LZTS1: variants seen among roughly 807,000 people sequenced by gnomAD.
LZTS1 encodes leucine zipper tumor suppressor 1.
A neutral mutation model predicts 45.8 loss-of-function variants in LZTS1; 31 were observed. The observed-to-expected ratio is 0.68, with a 90% CI of 0.51 to 0.91. The LOEUF (loss-of-function observed/expected upper bound fraction) is 0.91, where lower values mean the gene tolerates loss of function less well. LZTS1 is among the 40% of genes least tolerant of loss of function. The pLI is 0.00. For synonymous variants in LZTS1, 359 were observed against 357.3 expected, an observed-to-expected ratio of 1.00 and a Z score of -0.05; for missense variants, 821 against 788.9, an observed-to-expected ratio of 1.04 and a Z score of -0.49.
intron 1 of LZTS1, among the ~76,000 whole-genome samples, chr8:20,276,269 G>C (rs62499981): frequency 0.27 from 38,673 of 145,042 alleles, 5,831 homozygotes; most frequent in African/African-American, 0.42. Context: ...TTGACTGATG[G>C]TTGGTAGCTT....
At chr8:20,255,936 G>A (rs557771041) in intron 1 of LZTS1, among the ~76,000 whole-genome samples, 3 of 151,338 alleles carry the variant, frequency 2.0e-5, no homozygotes, top group African/African-American at 7.3e-5. Context: ...TTAGCCGGGC[G>A]TAGTGGTGCA....
At chr8:20,297,885 C>A (rs1399494109) in intron 1 of LZTS1, among the ~76,000 whole-genome samples, 1 of 152,112 alleles carries the variant, frequency 6.6e-6, no homozygotes, top group Non-Finnish European at 1.5e-5. Context: ...TTAAAAATCT[C>A]TTTTTCCTGC....
In LZTS1 at chr8:20,253,028, G is replaced by A; in HGVS notation, c.903C>T (p.Arg301=). 1 of 1,601,792 alleles carries A rather than the reference G, an allele frequency of 6.2e-7. No homozygotes were observed. The highest frequency in any genetic ancestry group is 8.5e-7 in the Non-Finnish European group (1 of 1,176,148). The change falls in exon 3 of 4, where the codon CGC becomes CGT. Residue 301 remains arginine, a synonymous_variant. Coordinates refer to ENST00000381569, the MANE Select transcript of LZTS1 (RefSeq NM_021020.5). ...SSLAYEERPR[R]CRDELEGPEP... is the part of the protein sequence containing the mutation. The stretch of plus-strand genomic sequence containing the variant: ...CCGGGCCCTCCAGCTCGTCCCTGCA[G>A]CGCCGCGGCCGCTCCTCGTAGGCCA...
intron 1 of LZTS1, among the ~76,000 whole-genome samples, chr8:20,301,571 A>G (rs1340089015): frequency 2.0e-5 from 3 of 152,212 alleles, no homozygotes; most frequent in Non-Finnish European, 4.4e-5. Context: ...TATTTATGAA[A>G]TGAACGTTGA....
chr8:20,260,778 G>A (rs1054328448), intron 1 of LZTS1, among the ~76,000 whole-genome samples: 4 of 152,180 alleles, frequency 2.6e-5, no homozygotes, highest in African/African-American at 9.7e-5. Context: ...CAGGAGAGGG[G>A]TGACTGAAGA....
At chr8:20,282,645 GGGC>G (rs1460004053) in intron 1 of LZTS1, among the ~76,000 whole-genome samples, 1 of 152,164 alleles carries the variant, frequency 6.6e-6, no homozygotes, top group African/African-American at 2.4e-5. Context: ...CTGTTGTAAG[GGGC>G]TGTCCTGTGT....
chr8:20,251,869 C>A (rs1225947173), intron 3 of LZTS1, among the ~76,000 whole-genome samples: 3 of 152,138 alleles, frequency 2.0e-5, no homozygotes, highest in Non-Finnish European at 4.4e-5. Context: ...AGGCTGACAC[C>A]AAAACCAATA....
At chr8:20,261,968 T>C (rs1471859790) in intron 1 of LZTS1, among the ~76,000 whole-genome samples, 1 of 151,948 alleles carries the variant, frequency 6.6e-6, no homozygotes, top group East Asian at 1.9e-4. Context: ...CTTCTCCCCC[T>C]CTCCGTCCCA....
At chr8:20,251,445 T>G (rs1479257696) in intron 3 of LZTS1, among the ~76,000 whole-genome samples, 2 of 152,086 alleles carry the variant, frequency 1.3e-5, no homozygotes, top group African/African-American at 2.4e-5. Flanking sequence ...AAAGGAAATG[T>G]GAAGGTGGCT....
intron 1 of LZTS1, among the ~76,000 whole-genome samples, chr8:20,268,259 G>C (rs992231290): frequency 1.3e-5 from 2 of 149,336 alleles, no homozygotes; most frequent in African/African-American, 4.9e-5. Flanking sequence ...CAGTCCCCAG[G>C]CATCTGCCAG....
intron 1 of LZTS1, among the ~76,000 whole-genome samples, chr8:20,259,268 C>T (rs181843961): frequency 3.9e-5 from 6 of 152,134 alleles, no homozygotes; most frequent in South Asian, 4.1e-4. Context: ...ATTAGGGAGC[C>T]GAAACAAACA....
intron 1 of LZTS1, among the ~76,000 whole-genome samples, chr8:20,277,711 C>T (rs949356723): frequency 2.0e-5 from 3 of 152,082 alleles, no homozygotes; most frequent in Non-Finnish European, 4.4e-5. Context: ...TCCAGGTGGG[C>T]GAACTGTCCT....
intron 1 of LZTS1, 35 bp downstream of exon 1, chr8:20,303,705 C>A (rs955466390): frequency 4.1e-6 from 4 of 985,416 alleles, no homozygotes; most frequent in Non-Finnish European, 4.8e-6. Flanking sequence ...GCAGACCCTC[C>A]AGGGGCGAGG....
In LZTS1 at chr8:20,271,491, G is replaced by T. The variant is rs114489383; in HGVS notation, c.-134-16176C>A. On this transcript the variant is annotated intron_variant, in intron 1 of 3. Transcript: ENST00000381569. ...CCTGGTGAGTGTTACCAGCAGCAAGGCCAGAGGTGCTTAAAGAGGCTCCGA... is the reference window on the plus strand; with the variant it reads ...CCTGGTGAGTGTTACCAGCAGCAAGTCCAGAGGTGCTTAAAGAGGCTCCGA... Among the ~76,000 whole-genome samples the T allele has an allele frequency of 7.8e-3, 1,188 of 152,260 alleles. 13 individuals carry two copies. The highest frequency in any genetic ancestry group is 0.027 in the African/African-American group (1,129 of 41,538).
chr8:20,270,413 C>T (rs981662713), intron 1 of LZTS1, among the ~76,000 whole-genome samples: 4 of 152,228 alleles, frequency 2.6e-5, no homozygotes, highest in Non-Finnish European at 4.4e-5. Flanking sequence ...TGCAGCTTCC[C>T]GTGTCATCAG....
Position 20,249,843 on chromosome 8 carries a change from TTCCGCTGGTACATGGCCACGTAGC to T in LZTS1, c.1646_1669del (p.Ser549_Arg556del), listed in dbSNP as rs773486904. On this transcript the variant is annotated inframe_deletion, in exon 4 of 4. Transcript: ENST00000381569. ...CTGCAGGGCCTTCTCCAGGCGCTGG[TTCCGCTGGTACATGGCCACGTAGC>T]TCTGCTGCAGCTGTTTCTGGTACTG... 2 of 1,614,196 alleles carry T rather than the reference TTCCGCTGGTACATGGCCACGTAGC, an allele frequency of 1.2e-6. No homozygotes were observed. Among genetic ancestry groups the T allele is most frequent in the South Asian group, 2.2e-5 (2 of 91,082 alleles).
intron 1 of LZTS1, among the ~76,000 whole-genome samples, chr8:20,281,405 C>CAAAAAAAAAAAAAAAAAA (rs57769805): frequency 7.5e-6 from 1 of 133,654 alleles, no homozygotes; most frequent in Non-Finnish European, 1.6e-5. Context: ...ACTAAAAATA[C>CAAAAAAAAAAAAAAAAAA]AAAAAAAAAA....
intron 1 of LZTS1, among the ~76,000 whole-genome samples, chr8:20,299,368 A>G (rs1801032397): frequency 6.6e-6 from 1 of 152,210 alleles, no homozygotes; most frequent in Non-Finnish European, 1.5e-5. Flanking sequence ...AAACTGCTGT[A>G]TTCAAAGTTA....
intron 1 of LZTS1, among the ~76,000 whole-genome samples, chr8:20,297,472 T>C (rs1196599009): frequency 6.6e-6 from 1 of 152,214 alleles, no homozygotes; most frequent in African/African-American, 2.4e-5. Flanking sequence ...TGCAGTGCAG[T>C]GGTGCGATCT....
Sources: gnomAD v4.1 joint callset for allele counts (sites outside exome capture counted in the v4.1 genomes callset) on GRCh38, gnomAD v4.1.1 for gene constraint, MANE v1.5 for transcripts, NCBI Gene and HGNC (gene_info 2026-07-23, HGNC 2026-07-21) for gene names.